Variants in SLC35F4 observed in about 807,000 individuals in gnomAD.
SLC35F4 encodes the protein chromosome 14 open reading frame 36.
In SLC35F4, 24 loss-of-function variants were observed where a neutral mutation model predicts 44.2. The observed-to-expected ratio is 0.54, with a 90% confidence interval of 0.39 to 0.76. The LOEUF (loss-of-function observed/expected upper bound fraction) is 0.76. Among genes scored for constraint, SLC35F4 ranks in the 30% least tolerant of loss-of-function variants. The probability of loss-of-function intolerance (pLI) is 0.00; values close to 1 mark genes in which losing one functional copy is unlikely to be tolerated. For missense variants in SLC35F4, 562 were observed against 586.1 expected (o/e 0.96, Z 0.42); for synonymous variants, 238 against 223.6 (o/e 1.06, Z -0.57).
At chr14:57,734,452 C>T (rs1285681855) in intron 1 of SLC35F4, among the ~76,000 whole-genome samples, 2 of 152,192 alleles carry the variant, frequency 1.3e-5, no homozygotes, top group Non-Finnish European at 2.9e-5. Context: ...AATAAAGTCA[C>T]ATACACGTAT....
intron 1 of SLC35F4, among the ~76,000 whole-genome samples, chr14:57,735,048 C>T (rs2076430148): frequency 6.6e-6 from 1 of 152,086 alleles, no homozygotes; most frequent in Non-Finnish European, 1.5e-5. Flanking sequence ...TCCTTCCTAG[C>T]AATTCCTGCC....
intron 1 of SLC35F4, among the ~76,000 whole-genome samples, chr14:57,781,742 C>G (rs537021445): frequency 4.6e-5 from 7 of 152,072 alleles, no homozygotes; most frequent in Non-Finnish European, 8.8e-5. Flanking sequence ...TAAAAAAGAA[C>G]AAGATCATGT....
intron 1 of SLC35F4, among the ~76,000 whole-genome samples, chr14:57,735,039 C>T (rs1439227564): frequency 1.3e-5 from 2 of 151,952 alleles, no homozygotes; most frequent in Non-Finnish European, 2.9e-5. Context: ...TTTTAAGACT[C>T]CTTCCTAGCA....
intron 6 of SLC35F4, among the ~76,000 whole-genome samples, chr14:57,568,629 G>A (rs747887331): frequency 5.9e-5 from 9 of 152,144 alleles, no homozygotes; most frequent in African/African-American, 1.4e-4. Context: ...CCCTGAGTCT[G>A]AGGGGCTGAG....
chr14:57,820,778 T>C (rs1231555074), intron 1 of SLC35F4, among the ~76,000 whole-genome samples: 1 of 152,146 alleles, frequency 6.6e-6, no homozygotes, highest in Non-Finnish European at 1.5e-5. Context: ...AAGGCACTGC[T>C]TCTATAAGGA....
chr14:57,725,534 T>C (rs1474774284), intron 1 of SLC35F4, among the ~76,000 whole-genome samples: 1 of 152,182 alleles, frequency 6.6e-6, no homozygotes, highest in Non-Finnish European at 1.5e-5. Flanking sequence ...GAATGCCTTA[T>C]CTGCCATTAT....
intron 1 of SLC35F4, among the ~76,000 whole-genome samples, chr14:57,927,683 G>T (rs961392344): frequency 6.6e-6 from 1 of 151,696 alleles, no homozygotes; most frequent in African/African-American, 2.4e-5. Context: ...TAGAGACAGG[G>T]TTTCACCATG....
intron 1 of SLC35F4, among the ~76,000 whole-genome samples, chr14:57,887,157 T>C (rs1236823615): frequency 1.3e-5 from 2 of 152,078 alleles, no homozygotes; most frequent in African/African-American, 4.8e-5. Flanking sequence ...GTAGAGCAGG[T>C]TTACATGAAG....
chr14:57,680,721 A>T (rs1267043176), intron 1 of SLC35F4, among the ~76,000 whole-genome samples: 1 of 152,106 alleles, frequency 6.6e-6, no homozygotes, highest in East Asian at 1.9e-4. Context: ...CCTATACTCC[A>T]ATAATAGACA....
At chr14:57,773,312 C>T (rs1171028219) in intron 1 of SLC35F4, among the ~76,000 whole-genome samples, 1 of 152,162 alleles carries the variant, frequency 6.6e-6, no homozygotes, top group Non-Finnish European at 1.5e-5. Flanking sequence ...ATGTACTGTA[C>T]ACATATACAT....
At chr14:57,944,773 A>AGG (rs1889991527) in intron 1 of SLC35F4, among the ~76,000 whole-genome samples, 2 of 151,838 alleles carry the variant, frequency 1.3e-5, no homozygotes, top group African/African-American at 4.8e-5. Context: ...AAAGAAAAGA[A>AGG]AAGAAAAAAG....
At chr14:57,584,547 A>G (rs984472859) in intron 3 of SLC35F4, among the ~76,000 whole-genome samples, 1 of 152,206 alleles carries the variant, frequency 6.6e-6, no homozygotes, top group African/African-American at 2.4e-5. Flanking sequence ...GGAGGAGGCC[A>G]TTGGAGAACA....
At chr14:57,617,451 A>AG (rs2071909440) in intron 1 of SLC35F4, among the ~76,000 whole-genome samples, 1 of 152,142 alleles carries the variant, frequency 6.6e-6, no homozygotes, top group Non-Finnish European at 1.5e-5. Flanking sequence ...ATTCTTAAAA[A>AG]GAAAAAAAAA....
chr14:57,798,121 CAAA>C (rs60685029), intron 1 of SLC35F4, among the ~76,000 whole-genome samples: 4,165 of 41,450 alleles, frequency 0.1, 66 homozygotes, highest in East Asian at 0.21. Context: ...GACCCACGAG[CAAA>C]AAAAAAAAAA....
At chr14:57,901,470 G>A (rs890147430) in intron 1 of SLC35F4, among the ~76,000 whole-genome samples, 31 of 152,112 alleles carry the variant, frequency 2.0e-4, no homozygotes, top group Non-Finnish European at 1.5e-4. Context: ...AGCTGAATGA[G>A]GAGAACACAT....
chr14:57,784,823 C>CA (rs1161122135), intron 1 of SLC35F4, among the ~76,000 whole-genome samples: 1 of 152,120 alleles, frequency 6.6e-6, no homozygotes, highest in Non-Finnish European at 1.5e-5. Context: ...ACAGCAATAC[C>CA]AACCCCTCCT....
chr14:57,955,102 G>T (rs1443488838), intron 1 of SLC35F4, among the ~76,000 whole-genome samples: 1 of 152,158 alleles, frequency 6.6e-6, no homozygotes, highest in East Asian at 1.9e-4. Flanking sequence ...CCACGATCAA[G>T]CTGGCTTCAT....
intron 1 of SLC35F4, among the ~76,000 whole-genome samples, chr14:57,950,273 T>C (rs1225041283): frequency 6.6e-6 from 1 of 152,078 alleles, no homozygotes; most frequent in African/African-American, 2.4e-5. Context: ...TTGAAAGCCT[T>C]GTCTTCAAGC....
chr14:57,668,407 T>C (rs527329962), intron 1 of SLC35F4, among the ~76,000 whole-genome samples: 3,896 of 152,126 alleles, frequency 0.026, 182 homozygotes, highest in African/African-American at 0.088. Context: ...TCCTTGCCCA[T>C]GCCTATGTCC....
Sources: gnomAD v4.1 joint callset for allele counts (sites outside exome capture counted in the v4.1 genomes callset) on GRCh38, gnomAD v4.1.1 for gene constraint, MANE v1.5 for transcripts, NCBI Gene and HGNC (gene_info 2026-07-23, HGNC 2026-07-21) for gene names.